Variants in CEP128 observed in about 807,000 individuals in gnomAD.
The protein encoded by CEP128 is centrosomal protein 128.
In CEP128, 132 loss-of-function variants were observed where a neutral mutation model predicts 156.7. The ratio of observed to expected loss-of-function variants is 0.84; its 90% CI spans 0.73 to 0.97. The LOEUF (loss-of-function observed/expected upper bound fraction) is 0.97, where lower values mean the gene tolerates loss of function less well. CEP128 is among the 50% of genes least tolerant of loss of function. The probability of loss-of-function intolerance (pLI) is 0.00; values close to 1 mark genes in which losing one functional copy is unlikely to be tolerated. For missense variants in CEP128, 1,252 were observed against 1,281.9 expected (o/e 0.98, Z 0.36); for synonymous variants, 469 against 448.9 (o/e 1.04, Z -0.57).
At chr14:80,669,974 T>C (rs986570479) in intron 19 of CEP128, among the ~76,000 whole-genome samples, 31 of 152,036 alleles carry the variant, frequency 2.0e-4, no homozygotes, top group Non-Finnish European at 3.2e-4. Context: ...CTTCTAATCA[T>C]GACATAAGGT....
At chr14:80,947,771 G>A (rs921174014) in intron 2 of CEP128, among the ~76,000 whole-genome samples, 2 of 152,328 alleles carry the variant, frequency 1.3e-5, no homozygotes, top group South Asian at 2.1e-4. Context: ...AGGAGGTTGG[G>A]GAGGCAGACC....
At chr14:80,524,142 A>G (rs548614381) in intron 23 of CEP128, among the ~76,000 whole-genome samples, 2 of 152,314 alleles carry the variant, frequency 1.3e-5, no homozygotes, top group African/African-American at 4.8e-5. Flanking sequence ...TGCTTTCTGC[A>G]TCTTTATACA....
At chr14:80,636,868 C>T (rs1894202980) in intron 19 of CEP128, among the ~76,000 whole-genome samples, 1 of 152,112 alleles carries the variant, frequency 6.6e-6, no homozygotes, top group South Asian at 2.1e-4. Flanking sequence ...GGGCAGATCA[C>T]CTGAGGTCGG....
chr14:80,741,302 C>A (rs968020854), intron 19 of CEP128, among the ~76,000 whole-genome samples: 1 of 152,080 alleles, frequency 6.6e-6, no homozygotes, highest in Non-Finnish European at 1.5e-5. Flanking sequence ...TTTTAGTAAA[C>A]CTGATAGTTT....
intron 19 of CEP128, among the ~76,000 whole-genome samples, chr14:80,581,480 A>G (rs957104414): frequency 6.6e-6 from 1 of 152,182 alleles, no homozygotes; most frequent in Non-Finnish European, 1.5e-5. Flanking sequence ...TGGGCAGGCA[A>G]TACACCAAAA....
chr14:80,595,554 T>G (rs184683840), intron 19 of CEP128, among the ~76,000 whole-genome samples: 2 of 152,170 alleles, frequency 1.3e-5, no homozygotes, highest in African/African-American at 2.4e-5. Context: ...TGGTATCACA[T>G]AGACTGATAA....
At chr14:80,700,658 A>G (rs1897045335) in intron 19 of CEP128, among the ~76,000 whole-genome samples, 1 of 152,152 alleles carries the variant, frequency 6.6e-6, no homozygotes, top group South Asian at 2.1e-4. Flanking sequence ...CTGAATGGGA[A>G]TTATGTGATT....
chr14:80,610,801 ACTT>A (rs1892964664), intron 19 of CEP128, among the ~76,000 whole-genome samples: 1 of 152,146 alleles, frequency 6.6e-6, no homozygotes, highest in Non-Finnish European at 1.5e-5. Context: ...CAGTAGGGAA[ACTT>A]GTTAAATAAA....
upstream of CEP128, among the ~76,000 whole-genome samples, chr14:80,941,957 T>G (rs1307670782): frequency 6.6e-6 from 1 of 152,074 alleles, no homozygotes; most frequent in South Asian, 2.1e-4. Context: ...TCTATTTTTT[T>G]TTTTTGTTAA....
chr14:80,679,966 A>G (rs1023099005), intron 19 of CEP128, among the ~76,000 whole-genome samples: 4 of 152,184 alleles, frequency 2.6e-5, no homozygotes, highest in African/African-American at 9.6e-5. Context: ...CCTACGTTGA[A>G]ATATTGGGGG....
At chr14:80,542,690 A>T (rs1293567474) in intron 21 of CEP128, among the ~76,000 whole-genome samples, 1 of 152,168 alleles carries the variant, frequency 6.6e-6, no homozygotes, top group African/African-American at 2.4e-5. Context: ...AACACAGGGC[A>T]GATACTGAGA....
intron 19 of CEP128, among the ~76,000 whole-genome samples, chr14:80,641,950 C>T (rs1251281404): frequency 2.6e-5 from 4 of 151,776 alleles, no homozygotes; most frequent in African/African-American, 9.7e-5. Flanking sequence ...ATTAGCTGGG[C>T]GTGGTGGCGG....
chr14:80,959,006 A>G (rs987735760), intron 1 of CEP128, among the ~76,000 whole-genome samples: 20 of 152,218 alleles, frequency 1.3e-4, no homozygotes, highest in African/African-American at 4.1e-4. Flanking sequence ...AACTCTTTCT[A>G]AACTTTATCT....
intron 2 of CEP128, among the ~76,000 whole-genome samples, chr14:80,925,739 AC>A (rs1885107875): frequency 6.6e-6 from 1 of 152,146 alleles, no homozygotes; most frequent in Non-Finnish European, 1.5e-5. Context: ...ACTGAAAGAA[AC>A]CACAAACCCT....
intron 9 of CEP128, among the ~76,000 whole-genome samples, chr14:80,857,769 A>G: frequency 6.6e-6 from 1 of 151,766 alleles, no homozygotes; most frequent in Non-Finnish European, 1.5e-5. Flanking sequence ...CAACAACAAC[A>G]AAAAACATGA....
chr14:80,823,606 G>A (rs1257187296), intron 13 of CEP128, among the ~76,000 whole-genome samples: 1 of 131,938 alleles, frequency 7.6e-6, no homozygotes, highest in Admixed American at 7.6e-5. Context: ...GTTTGGCTTG[G>A]GAAAAAAAAA....
chr14:80,620,046 A>C (rs1893412758), intron 19 of CEP128, among the ~76,000 whole-genome samples: 1 of 151,686 alleles, frequency 6.6e-6, no homozygotes, highest in Non-Finnish European at 1.5e-5. Context: ...AATCACTTGA[A>C]CTCGGGAGGC....
chr14:80,565,868 C>A (rs548335061), intron 20 of CEP128, among the ~76,000 whole-genome samples: 1 of 152,258 alleles, frequency 6.6e-6, no homozygotes, highest in African/African-American at 2.4e-5. Flanking sequence ...CTGGTGAGTA[C>A]AGTTGAAAAG....
chr14:80,922,273 G>A (rs1594850094), intron 2 of CEP128, among the ~76,000 whole-genome samples: 1 of 152,058 alleles, frequency 6.6e-6, no homozygotes, highest in African/African-American at 2.4e-5. Context: ...ACCTAGGTAG[G>A]GCCATGCCAC....
Sources: allele counts gnomAD v4.1 joint callset (sites outside exome capture counted in the v4.1 genomes callset), GRCh38; gene constraint gnomAD v4.1.1; transcripts MANE v1.5; gene names NCBI Gene and HGNC (gene_info 2026-07-23, HGNC 2026-07-21).